The following FIP1L1 variants were observed in gnomAD, a reference collection of about 807,000 sequenced individuals.
FIP1L1 encodes pre-mRNA 3'-end-processing factor FIP1.
A neutral mutation model predicts 84.6 loss-of-function variants in FIP1L1; 21 were observed. The ratio of observed to expected loss-of-function variants is 0.25; its 90% CI spans 0.18 to 0.36. FIP1L1 has a LOEUF of 0.36. Among genes scored for constraint, FIP1L1 ranks in the 10% least tolerant of loss-of-function variants. FIP1L1 has a pLI of 1.00. For synonymous variants in FIP1L1, 263 were observed against 242.3 expected (o/e 1.09, Z -0.80); for missense variants, 526 against 751.1 (o/e 0.70, Z 3.50).
At chr4:53,450,329 A>G (rs1775873712) in intron 15 of FIP1L1, among the ~76,000 whole-genome samples, 1 of 152,302 alleles carries the variant, frequency 6.6e-6, no homozygotes, top group East Asian at 1.9e-4. Flanking sequence ...ATGGTTAGGT[A>G]TTATTTTCTC....
intron 5 of FIP1L1, among the ~76,000 whole-genome samples, chr4:53,387,498 T>G (rs986704682): frequency 6.6e-6 from 1 of 152,202 alleles, no homozygotes. Context: ...GGATCTAGCA[T>G]TTAGAGTGGT....
rs2150521518 is a variant in FIP1L1 at position 53,459,390 on chromosome 4, G to A, written c.1726G>A (p.Glu576Lys). 6.2e-7 allele frequency: 1 copy of A among 1,608,114 alleles called. No individual in the cohort carries two copies. Among genetic ancestry groups the A allele is most frequent in the African/African-American group, 1.4e-5 (1 of 73,130 alleles). ...ATCTAAAAGAAGCAAAGAAGGAAAA[G>A]AAGCGGGCAGTGAGCCTGCCCCTGA... ...KKSKRSKEGK[E>K]AGSEPAPEQE... Residue 576 changes from glutamate to lysine, a missense_variant, in exon 18 of 18, where the codon GAA (glutamate) becomes AAA (lysine). By Grantham distance (56) the Glu-to-Lys change is moderately conservative (BLOSUM62 1). This residue lies in a region of FIP1L1 where 89 missense variants were observed against 169.0 expected (regional missense o/e 0.53). Transcript: ENST00000337488.
At chr4:53,396,046 G>A (rs1212460821) in intron 9 of FIP1L1, among the ~76,000 whole-genome samples, 1 of 151,984 alleles carries the variant, frequency 6.6e-6, no homozygotes, top group Non-Finnish European at 1.5e-5. Flanking sequence ...AGCCGCCCGA[G>A]TAGCTGGGAT....
intron 5 of FIP1L1, among the ~76,000 whole-genome samples, chr4:53,384,878 A>C (rs1475980190): frequency 5.9e-5 from 9 of 152,334 alleles, no homozygotes; most frequent in South Asian, 2.1e-4. Flanking sequence ...TCATTAAGCA[A>C]CCTCATCTGG....
In FIP1L1 at chr4:53,411,222, A is replaced by G. The variant is rs192961281; in HGVS notation, c.816-3393A>G. 3.3e-5 allele frequency among the ~76,000 whole-genome samples: 5 copies of G among 152,320 alleles called. No homozygotes were observed. The East Asian group carries it at 9.7e-4, about 29-fold the overall frequency. ...TGTAATGATGGGCCATTGGCTAAGAAGAGATGGAGGGCAAATATAGGTAAG... is the reference window on the plus strand; with the variant it reads ...TGTAATGATGGGCCATTGGCTAAGAGGAGATGGAGGGCAAATATAGGTAAG... On this transcript the variant is annotated intron_variant, in intron 10 of 17. Coordinates refer to ENST00000337488, the MANE Select transcript of FIP1L1 (RefSeq NM_030917.4).
chr4:53,386,964 A>T (rs1741432395), intron 5 of FIP1L1, among the ~76,000 whole-genome samples: 2 of 152,200 alleles, frequency 1.3e-5, no homozygotes, highest in African/African-American at 4.8e-5. Flanking sequence ...TCATGACTGT[A>T]TTCTCTCCCT....
At chr4:53,399,860 T>TAA in intron 10 of FIP1L1, 21 bp downstream of exon 10, 1 of 1,436,658 alleles carries the variant, frequency 7.0e-7, no homozygotes, top group Non-Finnish European at 9.8e-7. Flanking sequence ...TAGTTATAAC[T>TAA]CAATTACTGT....
chr4:53,416,729 C>G (rs1334636948), intron 11 of FIP1L1, among the ~76,000 whole-genome samples: 1 of 152,076 alleles, frequency 6.6e-6, no homozygotes, highest in Non-Finnish European at 1.5e-5. Context: ...CTTTGGGAGA[C>G]CGAGGCAGGT....
chr4:53,392,604 A>G (rs539003857), intron 9 of FIP1L1, among the ~76,000 whole-genome samples: 7 of 152,296 alleles, frequency 4.6e-5, no homozygotes, highest in Admixed American at 4.6e-4. Flanking sequence ...AAGTTGTCTT[A>G]ATGAACTAGT....
At chr4:53,453,667 C>T (rs1717331771) in intron 16 of FIP1L1, among the ~76,000 whole-genome samples, 1 of 152,134 alleles carries the variant, frequency 6.6e-6, no homozygotes, top group South Asian at 2.1e-4. Context: ...TTTCCCAATG[C>T]ATTGTTCCCT....
At chr4:53,422,468 A>T (rs921158079) in intron 11 of FIP1L1, among the ~76,000 whole-genome samples, 6 of 151,984 alleles carry the variant, frequency 3.9e-5, no homozygotes, top group African/African-American at 1.4e-4. Flanking sequence ...TCATTTGTAA[A>T]ATGACAATAA....
chr4:53,382,464 C>A, intron 4 of FIP1L1, 129 bp downstream of exon 4: 1 of 660,442 alleles, frequency 1.5e-6, no homozygotes, highest in South Asian at 1.9e-5. Flanking sequence ...TTTCTTACAT[C>A]TCCTACTTCA....
Position 53,459,590 on chromosome 4 carries a change from A to AAAAG in FIP1L1, c.*143_*146dup. On this transcript the variant is annotated 3_prime_UTR_variant, in exon 18 of 18. Coordinates refer to ENST00000337488, the MANE Select transcript of FIP1L1 (RefSeq NM_030917.4). ...GAAAAGTTAACTTTTTTTCCAAAAT[A>AAAAG]AAAGAGTGAATTTTTCATGTTAAGT... 9 of 1,199,974 alleles carry AAAAG rather than the reference A, an allele frequency of 7.5e-6. No individual in the cohort carries two copies. The highest frequency in any genetic ancestry group is 1.1e-5 in the Non-Finnish European group (9 of 837,690). 74.3% of individuals were successfully genotyped at this position (1,199,974 alleles called of 1,614,324 possible).
chr4:53,452,953 C>T lies in FIP1L1; in HGVS notation c.1319C>T (p.Ser440Leu), dbSNP rs368570756. 28 of 1,612,986 alleles carry T rather than the reference C, an allele frequency of 1.7e-5. No individual in the cohort carries two copies. The highest frequency in any genetic ancestry group is 4.5e-5 in the East Asian group (2 of 44,882). Residue 440 changes from serine to leucine, a missense_variant, in exon 16 of 18, where the codon TCG (serine) becomes TTG (leucine). Physicochemically the swap from Ser to Leu is moderately radical, Grantham distance 145. This residue lies in a region of FIP1L1 where 83 missense variants were observed against 93.8 expected (regional missense o/e 0.88). Coordinates refer to ENST00000337488, the MANE Select transcript of FIP1L1 (RefSeq NM_030917.4). ...CCCCATCTTCCTGGTTCTGCTCCTT[C>T]GTGGCCTAGTCTTGTGGACACCAGC... is the stretch of plus-strand genomic sequence containing the variant. Reference protein sequence around the residue: ...AFPHLPGSAPSWPSLVDTSKQ... With the variant: ...AFPHLPGSAPLWPSLVDTSKQ...
At chr4:53,399,709 T>A in intron 9 of FIP1L1, 21 bp from the exon 10 acceptor site, 1 of 1,523,588 alleles carries the variant, frequency 6.6e-7, no homozygotes, top group Non-Finnish European at 9.1e-7. Flanking sequence ...TTCAACAAGC[T>A]AATAACCTTT....
intron 10 of FIP1L1, among the ~76,000 whole-genome samples, chr4:53,403,991 A>T (rs897737554): frequency 6.9e-6 from 1 of 144,906 alleles, no homozygotes; most frequent in African/African-American, 2.6e-5. Context: ...GGTCATCTCC[A>T]GTCATCGTAT....
chr4:53,430,777 A>T (rs1346518650), intron 13 of FIP1L1, among the ~76,000 whole-genome samples: 1 of 152,186 alleles, frequency 6.6e-6, no homozygotes, highest in African/African-American at 2.4e-5. Context: ...TCTCAGCTAC[A>T]TGCTTTCCAT....
At position 53,377,784 on chromosome 4, in the gene FIP1L1, G is replaced by A; in HGVS notation, c.-55G>A. 6.9e-7 allele frequency: 1 copy of A among 1,453,986 alleles called. No homozygotes were observed. The highest frequency in any genetic ancestry group is 1.3e-5 in the South Asian group (1 of 74,518). 90.1% of individuals were successfully genotyped at this position (1,453,986 alleles called of 1,614,324 possible). On this transcript the variant is annotated 5_prime_UTR_variant, in exon 1 of 18. Transcript: ENST00000337488. The stretch of plus-strand genomic sequence containing the variant: ...CGCGCCTCGGGGCTGCGAGGCTGGG[G>A]AAGGGGTTGGAGGGGGCTGTTGATC...
rs3811782 is a variant in FIP1L1, at chr4:53,377,738, T to C, written c.-101T>C. The C allele has an allele frequency of 0.7, 770,337 of 1,100,362 alleles. 270,688 individuals are homozygous for C. Among genetic ancestry groups the C allele is most frequent in the Middle Eastern group, 0.74 (2,496 of 3,386 alleles). The allele number at this position is 1,100,362 out of a possible 1,614,324, so 68.2% of individuals were successfully genotyped here. A position where few individuals can be genotyped will look rare whatever the true frequency, so the allele number is the denominator to read the frequency against. On this transcript the variant is annotated 5_prime_UTR_variant, in exon 1 of 18. Coordinates refer to ENST00000337488, the MANE Select transcript of FIP1L1 (RefSeq NM_030917.4). ...GTCTCGAGCTTTCTTCGTTCGTTCG[T>C]CGGCGGGTTCGCGCCCTTCTCGCGC...
Sources: gnomAD v4.1 joint callset for allele counts (sites outside exome capture counted in the v4.1 genomes callset) on GRCh38, gnomAD v4.1.1 for gene constraint, gnomAD v4.1.1 regional missense constraint, MANE v1.5 for transcripts, NCBI Gene and HGNC (gene_info 2026-07-23, HGNC 2026-07-21) for gene names.